FRAS1: variants seen among roughly 807,000 people sequenced by gnomAD.
FRAS1 encodes the protein extracellular matrix organizing protein FRAS1.
Under a neutral mutation model 435.2 loss-of-function variants are expected in FRAS1, and 290 were observed. That is an observed-to-expected ratio of 0.67 (90% confidence interval 0.61 to 0.73). The LOEUF (loss-of-function observed/expected upper bound fraction) is 0.73, where lower values mean the gene tolerates loss of function less well. FRAS1 is among the 30% of genes least tolerant of loss of function. FRAS1 has a pLI of 0.00. For synonymous variants in FRAS1, 1,800 were observed against 1,851.0 expected, an observed-to-expected ratio of 0.97 and a Z score of 0.71; for missense variants, 4,860 against 5,001.5, an observed-to-expected ratio of 0.97 and a Z score of 0.85.
chr4:78,312,938 G>A (rs1729093915), intron 15 of FRAS1, among the ~76,000 whole-genome samples: 1 of 152,062 alleles, frequency 6.6e-6, no homozygotes, highest in Non-Finnish European at 1.5e-5. Flanking sequence ...TTACATTGGA[G>A]TTATAGATTA....
chr4:78,497,123 T>C (rs890342478), intron 60 of FRAS1, among the ~76,000 whole-genome samples, 162 bp downstream of exon 60: 4 of 152,204 alleles, frequency 2.6e-5, no homozygotes, highest in African/African-American at 9.7e-5. Flanking sequence ...GATCTCCCTC[T>C]ACAGAGATCC....
At position 78,407,721 on chromosome 4, in the gene FRAS1, C is replaced by A. The variant is rs1684797906; in HGVS notation, c.4188C>A (p.His1396Gln). 3 of 1,613,628 alleles carry A rather than the reference C, an allele frequency of 1.9e-6. No homozygotes were observed. The highest frequency in any genetic ancestry group is 1.7e-6 in the Non-Finnish European group (2 of 1,179,798). The change falls in exon 31 of 74, where the codon CAC becomes CAA. Residue 1396 changes from histidine to glutamine, a missense_variant. Coordinates refer to ENST00000512123, the MANE Select transcript of FRAS1 (RefSeq NM_025074.7). ...PADSPADEGQ[H>Q]LPDGRTATPT... is the part of the protein sequence containing the mutation. Reference sequence around the variant, plus strand: ...ACAGCCCTGCAGATGAAGGGCAGCACCTGCCTGATGGGAGGACAGCTACCC... The same window carrying A: ...ACAGCCCTGCAGATGAAGGGCAGCAACTGCCTGATGGGAGGACAGCTACCC...
At chr4:78,298,315 A>ATG (rs1330178392) in intron 14 of FRAS1, among the ~76,000 whole-genome samples, 27 of 151,348 alleles carry the variant, frequency 1.8e-4, no homozygotes, top group African/African-American at 2.7e-4. Flanking sequence ...ATATATGCAC[A>ATG]CACACCTTTT....
At chr4:78,355,914 T>G (rs1730835854) in intron 20 of FRAS1, among the ~76,000 whole-genome samples, 1 of 152,150 alleles carries the variant, frequency 6.6e-6, no homozygotes, top group Non-Finnish European at 1.5e-5. Context: ...CCATCAAAGA[T>G]CTGAATTAGA....
chr4:78,335,295 C>T (rs1286761042), intron 19 of FRAS1, among the ~76,000 whole-genome samples: 1 of 152,132 alleles, frequency 6.6e-6, no homozygotes, highest in Non-Finnish European at 1.5e-5. Context: ...CGTCTGTCAC[C>T]TGGGTTGGTC....
chr4:78,240,293 A>T (rs900808989), intron 3 of FRAS1, among the ~76,000 whole-genome samples: 2 of 152,236 alleles, frequency 1.3e-5, no homozygotes, highest in African/African-American at 4.8e-5. Flanking sequence ...AGATCAGTTC[A>T]GAGGCTGAGA....
intron 31 of FRAS1, among the ~76,000 whole-genome samples, chr4:78,408,296 A>G (rs1303843717): frequency 6.6e-6 from 1 of 152,164 alleles, no homozygotes. Context: ...GGATGGGGAC[A>G]CTGATATGGA....
Position 78,450,261 on chromosome 4 carries a change from A to T in FRAS1, c.6385A>T (p.Met2129Leu), listed in dbSNP as rs370180561. ...KEDPGAGRLQ[M>L]MKHGNLEQIS... ...AGATCCTGGTGCAGGGCGCCTGCAG[A>T]TGATGAAGCATGGCAACCTGGAGCA... Residue 2129 changes from methionine to leucine, a missense_variant, in exon 45 of 74, where the codon ATG becomes TTG. Coordinates refer to ENST00000512123, the MANE Select transcript of FRAS1 (RefSeq NM_025074.7). The T allele has an allele frequency of 1.9e-6, 3 of 1,613,764 alleles. No homozygotes were observed. Among genetic ancestry groups the T allele is most frequent in the East Asian group, 2.2e-5 (1 of 44,894 alleles).
intron 2 of FRAS1, among the ~76,000 whole-genome samples, chr4:78,210,268 A>G (rs557510861): frequency 4.6e-4 from 70 of 152,296 alleles, no homozygotes; most frequent in African/African-American, 1.6e-3. Flanking sequence ...TTTTCTCCAA[A>G]GCTGGGCTGA....
chr4:78,227,162 C>T (rs1464428669), intron 2 of FRAS1, among the ~76,000 whole-genome samples: 1 of 152,046 alleles, frequency 6.6e-6, no homozygotes, highest in Non-Finnish European at 1.5e-5. Flanking sequence ...CTGGATAATT[C>T]AGTGTATATT....
chr4:78,470,834 G>A (rs13114980), intron 51 of FRAS1, among the ~76,000 whole-genome samples: 90,063 of 151,976 alleles, frequency 0.59, 27,938 homozygotes, highest in South Asian at 0.82. Context: ...GGAGGAAACA[G>A]AAAGAGAGGG....
chr4:78,312,877 GAGAGAA>G (rs1465037216), intron 15 of FRAS1, among the ~76,000 whole-genome samples: 4 of 147,156 alleles, frequency 2.7e-5, no homozygotes, highest in East Asian at 2.0e-4. Context: ...GAGAGAGAGA[GAGAGAA>G]AGAAAGAAAG....
intron 2 of FRAS1, among the ~76,000 whole-genome samples, chr4:78,173,019 T>C (rs1490945228): frequency 6.6e-6 from 1 of 151,598 alleles, no homozygotes; most frequent in Admixed American, 6.5e-5. Flanking sequence ...GAAATGTTAT[T>C]TTAGAAGATG....
intron 2 of FRAS1, among the ~76,000 whole-genome samples, chr4:78,094,630 C>T (rs1487759389): frequency 6.6e-6 from 1 of 152,074 alleles, no homozygotes; most frequent in East Asian, 1.9e-4. Flanking sequence ...GCTGACCTTT[C>T]ATTAAGAAAA....
intron 23 of FRAS1, among the ~76,000 whole-genome samples, chr4:78,372,511 G>A (rs1210814356): frequency 2.0e-5 from 3 of 152,170 alleles, no homozygotes; most frequent in Non-Finnish European, 4.4e-5. Context: ...GTACATGTCC[G>A]TGTCTAACAT....
chr4:78,527,188 T>C (rs1030502667), intron 70 of FRAS1, among the ~76,000 whole-genome samples: 2 of 152,160 alleles, frequency 1.3e-5, no homozygotes, highest in African/African-American at 4.8e-5. Flanking sequence ...TTTCTTCTAG[T>C]AGCTGTGGCT....
rs148433818 is a variant in FRAS1 at position 78,095,360 on chromosome 4, T to G, written c.108+29344T>G. Among the ~76,000 whole-genome samples the G allele has an allele frequency of 5.2e-4, 79 of 152,350 alleles. 1 individual carries two copies. The highest frequency in any genetic ancestry group is 3.4e-3 in the Middle Eastern group (1 of 294). On this transcript the variant is annotated intron_variant, in intron 2 of 73. Coordinates refer to ENST00000512123, the MANE Select transcript of FRAS1 (RefSeq NM_025074.7). ...GAAATTTGAGCATATTTTCCCCACATAGTTCATAAAAACTGGCTGGATCTA... is the reference window on the plus strand; with the variant it reads ...GAAATTTGAGCATATTTTCCCCACAGAGTTCATAAAAACTGGCTGGATCTA...
intron 20 of FRAS1, among the ~76,000 whole-genome samples, chr4:78,340,648 C>T (rs1346885385): frequency 6.6e-6 from 1 of 152,176 alleles, no homozygotes; most frequent in African/African-American, 2.4e-5. Flanking sequence ...GCTGCCATAA[C>T]AAAATACCAC....
chr4:78,391,157 G>C (rs1732429450), intron 29 of FRAS1, among the ~76,000 whole-genome samples: 1 of 152,184 alleles, frequency 6.6e-6, no homozygotes, highest in Non-Finnish European at 1.5e-5. Flanking sequence ...CTCTGTGATA[G>C]CCCACCTGGG....
Sources: allele counts gnomAD v4.1 joint callset (sites outside exome capture counted in the v4.1 genomes callset), GRCh38; gene constraint gnomAD v4.1.1; transcripts MANE v1.5; gene names NCBI Gene and HGNC (gene_info 2026-07-23, HGNC 2026-07-21).